Variants in PCDHGB3 observed in about 807,000 individuals in gnomAD.
The protein encoded by PCDHGB3 is protocadherin gamma subfamily B, 3.
In PCDHGB3, 40 loss-of-function variants were observed where a neutral mutation model predicts 59.2. The ratio of observed to expected loss-of-function variants is 0.68; its 90% confidence interval spans 0.52 to 0.88. The LOEUF (loss-of-function observed/expected upper bound fraction) is 0.88, where lower values mean the gene tolerates loss of function less well. Ranked by LOEUF, PCDHGB3 falls within the 40% of genes least tolerant of loss-of-function variation. The pLI, the probability that PCDHGB3 is intolerant of heterozygous loss-of-function variation, is 0.00. For synonymous variants in PCDHGB3, 581 were observed against 503.6 expected (o/e 1.15, Z -2.06); for missense variants, 1,309 against 1,187.9 (o/e 1.10, Z -1.50).
At chr5:141,509,327 G>A (rs2099876237) in intron 3 of PCDHGB3, among the ~76,000 whole-genome samples, 1 of 152,188 alleles carries the variant, frequency 6.6e-6, no homozygotes, top group African/African-American at 2.4e-5. Flanking sequence ...AAGCTCTACT[G>A]CCAGCTGGGC....
At position 141,431,918 on chromosome 5, in the gene PCDHGB3, C is replaced by T; in HGVS notation, c.2415+59109C>T. On this transcript the variant is annotated intron_variant, in intron 1 of 3. Transcript: ENST00000576222. This position sits in a 1 kb window ranked among gnomAD's most constrained non-coding sequence, Gnocchi z 4.8. Reference sequence around the variant, plus strand: ...AAACGGACAGGTGATCTGTTTCATCCAAGGAAATCTGCCCTTTAAATTAGA... The same window carrying T: ...AAACGGACAGGTGATCTGTTTCATCTAAGGAAATCTGCCCTTTAAATTAGA... The T allele has an allele frequency of 6.2e-7, 1 of 1,613,998 alleles. No individual in the cohort carries two copies. The highest frequency in any genetic ancestry group is 8.5e-7 in the Non-Finnish European group (1 of 1,179,862).
At chr5:141,483,937 C>T (rs964918788) in intron 1 of PCDHGB3, among the ~76,000 whole-genome samples, 1 of 130,444 alleles carries the variant, frequency 7.7e-6, no homozygotes, top group African/African-American at 2.9e-5. Flanking sequence ...TAGGTACCTA[C>T]GGTGTGAATT....
rs767430191 is a variant in PCDHGB3 at position 141,375,567 on chromosome 5, C to T, written c.2415+2758C>T. 22 of 1,613,958 alleles carry T rather than the reference C, an allele frequency of 1.4e-5. No individual in the cohort carries two copies. The Admixed American group carries it at 3.5e-4, about 26-fold the overall frequency. ...GTCTCCTACTCACTGGCAGAAGACA[C>T]CCTCCAGGGGGCGCCCCTGTCCTCC... On this transcript the variant is annotated intron_variant, in intron 1 of 3. Transcript: ENST00000576222.
At chr5:141,420,010 GTC>G in intron 1 of PCDHGB3, 1 of 1,614,088 alleles carries the variant, frequency 6.2e-7, no homozygotes, top group South Asian at 1.1e-5. Context: ...GCCTGCGACA[GTC>G]TTTCAGCCCT....
At chr5:141,497,820 G>A (rs1595489288) in intron 2 of PCDHGB3, among the ~76,000 whole-genome samples, 1 of 152,226 alleles carries the variant, frequency 6.6e-6, no homozygotes, top group Admixed American at 6.5e-5. Flanking sequence ...AATTACAGGT[G>A]TGATCGCCCC....
At chr5:141,421,578 T>C in intron 1 of PCDHGB3, 4 of 1,613,886 alleles carry the variant, frequency 2.5e-6, no homozygotes, top group Non-Finnish European at 3.4e-6. Flanking sequence ...CCTTGAAGAT[T>C]TACGGAGTGG....
intron 1 of PCDHGB3, chr5:141,423,769 CATAT>C (rs2096780943): frequency 8.2e-7 from 1 of 1,219,458 alleles, no homozygotes; most frequent in South Asian, 2.2e-5. Context: ...GGTGGGGCGG[CATAT>C]ATTTAGTTCA....
At chr5:141,473,942 G>A (rs1419813166) in intron 1 of PCDHGB3, among the ~76,000 whole-genome samples, 3 of 152,124 alleles carry the variant, frequency 2.0e-5, no homozygotes, top group Non-Finnish European at 2.9e-5. Flanking sequence ...AGTAGCTCAG[G>A]CCTGTAGTCC....
chr5:141,432,584 C>T lies in PCDHGB3; in HGVS notation c.2415+59775C>T, dbSNP rs762935149. The T allele has an allele frequency of 2.3e-5, 37 of 1,613,854 alleles. No individual in the cohort carries two copies. The highest frequency in any genetic ancestry group is 3.3e-4 in the Middle Eastern group (2 of 6,018). On this transcript the variant is annotated intron_variant, in intron 1 of 3. Coordinates refer to ENST00000576222, the MANE Select transcript of PCDHGB3 (RefSeq NM_018924.5). The surrounding 1 kb of genome is among the most constrained non-coding windows in gnomAD (Gnocchi z 6.0). ...GAACGCCTGGCTGTCCTACCGTCTG[C>T]TCAAGGCCAGCGAGCCGGGACTCTT...
chr5:141,446,230 G>A (rs548647406), intron 1 of PCDHGB3, among the ~76,000 whole-genome samples: 22 of 152,208 alleles, frequency 1.4e-4, no homozygotes, highest in African/African-American at 4.6e-4. Context: ...GTGTTGCCTG[G>A]CAAGTGGTAG....
chr5:141,383,054 T>C, intron 1 of PCDHGB3: 3 of 1,613,872 alleles, frequency 1.9e-6, no homozygotes, highest in Non-Finnish European at 2.5e-6. Flanking sequence ...GCCAAGGACC[T>C]GGGGCTGGAG....
chr5:141,485,274 C>T lies in PCDHGB3; in HGVS notation c.2416-9533C>T. On this transcript the variant is annotated intron_variant, in intron 1 of 3. Transcript: ENST00000576222. The surrounding 1 kb of genome is among the most constrained non-coding windows in gnomAD (Gnocchi z 5.7). Reference sequence around the variant, plus strand: ...TACGTTTGTGGGCAGATCCGCTACCCGGTCCCAGAGGAGTCACAGGAAGGG... The same window carrying T: ...TACGTTTGTGGGCAGATCCGCTACCTGGTCCCAGAGGAGTCACAGGAAGGG... The T allele has an allele frequency of 6.2e-7, 1 of 1,614,106 alleles. No individual in the cohort carries two copies. Among genetic ancestry groups the T allele is most frequent in the South Asian group, 1.1e-5 (1 of 91,086 alleles).
intron 1 of PCDHGB3, chr5:141,393,237 A>C (rs1561641299): frequency 6.2e-7 from 1 of 1,613,684 alleles, no homozygotes; most frequent in Non-Finnish European, 8.5e-7. Context: ...AGAAGTAAAA[A>C]TTAACGAAAT....
At chr5:141,458,438 CCCA>C (rs1221646653) in intron 1 of PCDHGB3, among the ~76,000 whole-genome samples, 3 of 152,024 alleles carry the variant, frequency 2.0e-5, no homozygotes, top group African/African-American at 7.2e-5. Context: ...GAGGAGGTCC[CCCA>C]CATTAACAAT....
At position 141,405,049 on chromosome 5, in the gene PCDHGB3, C is replaced by T. The variant is rs190786640; in HGVS notation, c.2415+32240C>T. 223 of 1,613,936 alleles carry T rather than the reference C, an allele frequency of 1.4e-4. 1 individual carries two copies. The African/African-American group carries it at 1.9e-3, about 14-fold the overall frequency. On this transcript the variant is annotated intron_variant, in intron 1 of 3. Coordinates refer to ENST00000576222, the MANE Select transcript of PCDHGB3 (RefSeq NM_018924.5). ...TCTACCTCGTTGTGGCTGTGGCAGTCGTCTCCTGTGTCTTCCTCACCTTCG... is the reference window on the plus strand; with the variant it reads ...TCTACCTCGTTGTGGCTGTGGCAGTTGTCTCCTGTGTCTTCCTCACCTTCG...
chr5:141,380,834 G>A (rs559775684), intron 1 of PCDHGB3, among the ~76,000 whole-genome samples: 114 of 152,272 alleles, frequency 7.5e-4, no homozygotes, highest in Admixed American at 3.9e-3. Flanking sequence ...TGAGGCATCA[G>A]GTAAAAATGG....
intron 1 of PCDHGB3, chr5:141,419,568 A>T: frequency 1.2e-6 from 2 of 1,611,742 alleles, no homozygotes; most frequent in African/African-American, 2.7e-5. Flanking sequence ...CTGGGTCCCG[A>T]CGGCTCCGCG....
rs747132868 is a variant in PCDHGB3 at position 141,431,424 on chromosome 5, G to C, written c.2415+58615G>C. ...GCCTCCGACGGGGGCGACCCGGTGC[G>C]CACAGGCACCGCGCGCATCCGCGTG... On this transcript the variant is annotated intron_variant, in intron 1 of 3. Coordinates refer to ENST00000576222, the MANE Select transcript of PCDHGB3 (RefSeq NM_018924.5). This position sits in a 1 kb window ranked among gnomAD's most constrained non-coding sequence, Gnocchi z 4.8. The C allele has an allele frequency of 6.2e-7, 1 of 1,613,558 alleles. No individual in the cohort carries two copies. The highest frequency in any genetic ancestry group is 1.1e-5 in the South Asian group (1 of 91,082).
chr5:141,460,614 G>A (rs10058360), intron 1 of PCDHGB3, among the ~76,000 whole-genome samples: 42,418 of 151,914 alleles, frequency 0.28, 6,648 homozygotes, highest in African/African-American at 0.43. Flanking sequence ...TAGATGGATA[G>A]ATAGACAGAT....
Sources: allele counts gnomAD v4.1 joint callset (sites outside exome capture counted in the v4.1 genomes callset), GRCh38; gene constraint gnomAD v4.1.1; non-coding constraint Gnocchi (gnomAD v3.1); transcripts MANE v1.5; gene names NCBI Gene and HGNC (gene_info 2026-07-23, HGNC 2026-07-21).